Variants in ADGRV1 observed in about 807,000 individuals in gnomAD.
ADGRV1 encodes G-protein coupled receptor 98.
A neutral mutation model predicts 596.2 loss-of-function variants in ADGRV1; 359 were observed. That is an observed-to-expected ratio of 0.60 (90% CI 0.55 to 0.66). ADGRV1 has a LOEUF of 0.66. Among genes scored for constraint, ADGRV1 ranks in the 30% least tolerant of loss-of-function variants. The probability of loss-of-function intolerance (pLI) is 0.00; values close to 1 mark genes in which losing one functional copy is unlikely to be tolerated. For missense variants in ADGRV1, 7,274 were observed against 7,575.6 expected, an observed-to-expected ratio of 0.96 and a Z score of 1.48; for synonymous variants, 2,681 against 2,679.2, an observed-to-expected ratio of 1.00 and a Z score of -0.02.
intron 85 of ADGRV1, among the ~76,000 whole-genome samples, chr5:91,030,431 G>T (rs901237945): frequency 6.6e-6 from 1 of 152,038 alleles, no homozygotes; most frequent in African/African-American, 2.4e-5. Flanking sequence ...AGTTCTTTGT[G>T]TGTAAAGATT....
At chr5:90,855,553 T>G (rs922010529) in intron 81 of ADGRV1, among the ~76,000 whole-genome samples, 188 bp from the exon 82 acceptor site, 2 of 152,188 alleles carry the variant, frequency 1.3e-5, no homozygotes, top group Non-Finnish European at 2.9e-5. Flanking sequence ...TCTTAAGACA[T>G]CCTGTGGAAT....
chr5:90,793,620 T>G (rs16869138), intron 70 of ADGRV1, among the ~76,000 whole-genome samples: 2,908 of 152,320 alleles, frequency 0.019, 96 homozygotes, highest in African/African-American at 0.067. Context: ...TGGAACATTT[T>G]GAAGCATGTG....
At chr5:90,861,424 C>T (rs372730174) in intron 82 of ADGRV1, among the ~76,000 whole-genome samples, 1 of 152,006 alleles carries the variant, frequency 6.6e-6, no homozygotes, top group East Asian at 1.9e-4. Flanking sequence ...ATTCTCCTGC[C>T]TCAGCCTCCC....
chr5:90,750,936 C>G (rs548307405), intron 53 of ADGRV1, among the ~76,000 whole-genome samples: 1 of 152,238 alleles, frequency 6.6e-6, no homozygotes, highest in South Asian at 2.1e-4. Context: ...TTCTGAGTTT[C>G]AGTACATTCG....
At chr5:90,688,423 T>C (rs578167460) in intron 29 of ADGRV1, among the ~76,000 whole-genome samples, 1 of 152,326 alleles carries the variant, frequency 6.6e-6, no homozygotes, top group Middle Eastern at 3.4e-3. Context: ...AGTGGTGTGA[T>C]CTTGGCTCAC....
intron 10 of ADGRV1, among the ~76,000 whole-genome samples, chr5:90,635,604 T>TTTC (rs1766091018): frequency 3.3e-5 from 5 of 151,686 alleles, no homozygotes; most frequent in Non-Finnish European, 4.4e-5. Context: ...TTTTTTTTTT[T>TTTC]TTCTTTGAGA....
intron 88 of ADGRV1, among the ~76,000 whole-genome samples, chr5:91,152,121 C>T (rs1050340086): frequency 3.9e-5 from 6 of 152,132 alleles, no homozygotes; most frequent in African/African-American, 1.4e-4. Flanking sequence ...CTGAAGTATG[C>T]TCTGCATTCC....
At chr5:90,787,933 ACAGGAATTTGATGGAAT>A in intron 67 of ADGRV1, 121 bp from the exon 68 acceptor site, 1 of 583,120 alleles carries the variant, frequency 1.7e-6, no homozygotes, top group East Asian at 3.1e-5. Context: ...AGTTTATGAA[ACAGGAATTTGATGGAAT>A]TATCCTAGAA....
At chr5:90,668,613 A>T (rs1019698460) in intron 21 of ADGRV1, among the ~76,000 whole-genome samples, 2 of 151,564 alleles carry the variant, frequency 1.3e-5, no homozygotes, top group African/African-American at 4.9e-5. Flanking sequence ...AGCTGTTCCT[A>T]TTCGTCCATC....
intron 45 of ADGRV1, among the ~76,000 whole-genome samples, chr5:90,722,437 G>A (rs894364927): frequency 1.8e-4 from 27 of 150,808 alleles, no homozygotes; most frequent in Non-Finnish European, 3.5e-4. Flanking sequence ...TGGGCCGGGC[G>A]CGGTGGTTCA....
At chr5:90,597,267 C>T (rs1429999736) in intron 1 of ADGRV1, among the ~76,000 whole-genome samples, 1 of 152,100 alleles carries the variant, frequency 6.6e-6, no homozygotes, top group Non-Finnish European at 1.5e-5. Context: ...TGTTGTTCTG[C>T]AGGATGTAAA....
At chr5:90,910,018 G>A (rs1417075579) in intron 83 of ADGRV1, among the ~76,000 whole-genome samples, 3 of 152,232 alleles carry the variant, frequency 2.0e-5, no homozygotes, top group Admixed American at 6.5e-5. Context: ...TGAACTCCGC[G>A]TCCTGGAGGC....
rs552602896 is a variant in ADGRV1, at chr5:90,879,009, G to A, written c.17856+15152G>A. Among the ~76,000 whole-genome samples, 9 of 152,368 alleles carry A rather than the reference G, an allele frequency of 5.9e-5. No homozygotes were observed. The South Asian group carries it at 1.9e-3, about 32-fold the overall frequency. On this transcript the variant is annotated intron_variant, in intron 83 of 89. Coordinates refer to ENST00000405460, the MANE Select transcript of ADGRV1 (RefSeq NM_032119.4). Reference sequence around the variant, plus strand: ...GATAAGGCTACTTCAGCTTTAAGTGGAGAGTGGCTTGGGGAAGCTGTTGTG... The same window carrying A: ...GATAAGGCTACTTCAGCTTTAAGTGAAGAGTGGCTTGGGGAAGCTGTTGTG...
At chr5:90,748,503 T>A (rs1026607165) in intron 52 of ADGRV1, among the ~76,000 whole-genome samples, 1 of 152,226 alleles carries the variant, frequency 6.6e-6, no homozygotes, top group Non-Finnish European at 1.5e-5. Flanking sequence ...TTTACACTTA[T>A]AGACTAGCTA....
intron 21 of ADGRV1, among the ~76,000 whole-genome samples, chr5:90,659,191 T>C (rs369800343): frequency 1.3e-5 from 2 of 152,204 alleles, no homozygotes; most frequent in South Asian, 2.1e-4. Context: ...TAGCATATCC[T>C]AGACTAGCAA....
rs574549292 is a variant in ADGRV1 at position 90,861,470 on chromosome 5, C to T, written c.17756-2287C>T. Among the ~76,000 whole-genome samples, 57 of 151,940 alleles carry T rather than the reference C, an allele frequency of 3.8e-4. 1 individual carries two copies. Among genetic ancestry groups the T allele is most frequent in the African/African-American group, 1.3e-3 (53 of 41,440 alleles). ...GACTACAGGTGCGTGCCACCATGCC[C>T]GGCTGATTTTTTGTATTTTTAGTAG... On this transcript the variant is annotated intron_variant, in intron 82 of 89. Transcript: ENST00000405460.
chr5:90,752,774 C>T (rs1755413131), intron 53 of ADGRV1, among the ~76,000 whole-genome samples: 1 of 152,160 alleles, frequency 6.6e-6, no homozygotes, highest in African/African-American at 2.4e-5. Context: ...ACACTCTTCG[C>T]AATAGCAAAG....
chr5:90,770,209 A>G (rs143342397), intron 59 of ADGRV1, among the ~76,000 whole-genome samples: 1 of 152,366 alleles, frequency 6.6e-6, no homozygotes, highest in East Asian at 1.9e-4. Flanking sequence ...ACATGGCCAC[A>G]GGCAAGAGAG....
At position 90,637,928 on chromosome 5, in the gene ADGRV1, T is replaced by A. The variant is rs1176772503; in HGVS notation, c.2220T>A (p.Thr740=). 1.1e-5 allele frequency: 17 copies of A among 1,612,320 alleles called. No homozygotes were observed. The highest frequency in any genetic ancestry group is 1.4e-5 in the Non-Finnish European group (16 of 1,178,776). The change falls in exon 11 of 90, where the codon ACT becomes ACA. Residue 740 remains threonine, a synonymous_variant. Transcript: ENST00000405460. Reference sequence around the variant, plus strand: ...ATGACATACCGGAAATGAATGAAACTGTAACACTTTCTCTAGACAGGTAAT... The same window carrying A: ...ATGACATACCGGAAATGAATGAAACAGTAACACTTTCTCTAGACAGGTAAT... The part of the protein sequence containing the change: ...KGDDIPEMNE[T]VTLSLDRVNV...
Sources: allele counts gnomAD v4.1 joint callset (sites outside exome capture counted in the v4.1 genomes callset), GRCh38; gene constraint gnomAD v4.1.1; transcripts MANE v1.5; gene names NCBI Gene and HGNC (gene_info 2026-07-23, HGNC 2026-07-21).